SHROOM4: variants seen among roughly 807,000 people sequenced by gnomAD.
SHROOM4 encodes shroom family member 4, also known as protein Shroom4.
Under a neutral mutation model 80.3 loss-of-function variants are expected in SHROOM4, and 17 were observed. The observed-to-expected ratio is 0.21, with a 90% CI of 0.14 to 0.32. SHROOM4 has a LOEUF of 0.32. SHROOM4 is among the 10% of genes least tolerant of loss of function. The probability of loss-of-function intolerance (pLI) is 1.00; values close to 1 mark genes in which losing one functional copy is unlikely to be tolerated. For synonymous variants in SHROOM4, 400 were observed against 437.5 expected, an observed-to-expected ratio of 0.91 and a Z score of 1.07; for missense variants, 993 against 1,140.3, an observed-to-expected ratio of 0.87 and a Z score of 1.86.
At chrX:50,690,059 T>C (rs1332551882) in intron 2 of SHROOM4, among the ~76,000 whole-genome samples, 1 of 112,163 alleles carries the variant, frequency 8.9e-6, no homozygotes, top group Non-Finnish European at 1.9e-5. Flanking sequence ...TAAAAATATC[T>C]GTCCCTTAAA....
At chrX:50,723,504 C>T (rs1239746154) in intron 1 of SHROOM4, among the ~76,000 whole-genome samples, 4 of 110,020 alleles carry the variant, frequency 3.6e-5, no homozygotes, top group Non-Finnish European at 7.6e-5. Context: ...TATGAGTGTA[C>T]TGATGGCTGC....
chrX:50,786,257 G>C (rs976855617), intron 1 of SHROOM4, among the ~76,000 whole-genome samples: 5 of 111,704 alleles, frequency 4.5e-5, no homozygotes, highest in Non-Finnish European at 9.4e-5. Flanking sequence ...CTTCAGTTTT[G>C]CCTGTCTCAG....
At chrX:50,651,151 G>A (rs1932038540) in intron 2 of SHROOM4, among the ~76,000 whole-genome samples, 1 of 111,841 alleles carries the variant, frequency 8.9e-6, no homozygotes, top group African/African-American at 3.3e-5. Flanking sequence ...TTTTCCAGCT[G>A]CCTGATAGAC....
chrX:50,695,671 A>G (rs1024200788), intron 2 of SHROOM4, 115 bp downstream of exon 2: 2 of 890,631 alleles, frequency 2.2e-6, no homozygotes, highest in Non-Finnish European at 3.3e-6. Context: ...AATTCTATTC[A>G]AGTGAAACAC....
At chrX:50,598,680 T>A in intron 7 of SHROOM4, 145 bp from the exon 8 acceptor site, 1 of 699,290 alleles carries the variant, frequency 1.4e-6, no homozygotes, top group Non-Finnish European at 2.1e-6. Flanking sequence ...CTTGGGCAAG[T>A]CATGAGCAAC....
At chrX:50,755,714 C>T (rs782493647) in intron 1 of SHROOM4, among the ~76,000 whole-genome samples, 7 of 111,324 alleles carry the variant, frequency 6.3e-5, no homozygotes, top group South Asian at 7.6e-4. Context: ...TAGAGGTGAA[C>T]GCACAAGCCA....
chrX:50,778,731 A>C (rs915917165), intron 1 of SHROOM4, among the ~76,000 whole-genome samples: 1 of 112,461 alleles, frequency 8.9e-6, no homozygotes, highest in Non-Finnish European at 1.9e-5. Flanking sequence ...ATAAGTGCTC[A>C]TCAAGTAAAA....
intron 2 of SHROOM4, among the ~76,000 whole-genome samples, chrX:50,693,232 C>T (rs1425345095): frequency 1.8e-5 from 2 of 110,889 alleles, no homozygotes; most frequent in Non-Finnish European, 3.8e-5. Flanking sequence ...AAAAAATGGA[C>T]AGGGATGTAG....
chrX:50,638,961 T>C (rs960898656), intron 2 of SHROOM4, among the ~76,000 whole-genome samples: 2 of 112,595 alleles, frequency 1.8e-5, no homozygotes, highest in African/African-American at 6.4e-5. Context: ...CCTGAGTTGG[T>C]AGGCAAACTG....
At chrX:50,649,223 T>C (rs904905138) in intron 2 of SHROOM4, among the ~76,000 whole-genome samples, 1 of 111,979 alleles carries the variant, frequency 8.9e-6, no homozygotes, top group Non-Finnish European at 1.9e-5. Context: ...ATTTCAGATA[T>C]TAGTTTGTTA....
chrX:50,587,153 T>C lies in SHROOM4; in HGVS notation c.*9542A>G, dbSNP rs1284398366. Among the ~76,000 whole-genome samples, 1 of 112,080 alleles carries C rather than the reference T, an allele frequency of 8.9e-6. No homozygotes were observed. Among genetic ancestry groups the C allele is most frequent in the Non-Finnish European group, 1.9e-5 (1 of 53,225 alleles). On this transcript the variant is annotated 3_prime_UTR_variant, in exon 9 of 9. Transcript: ENST00000376020. ...TACGCAGTATTTTTCTTTCTGTGTC[T>C]GGTTTGTTTCACTTAGCATAATACC...
Position 50,592,111 on chromosome X carries a change from A to G in SHROOM4, c.*4584T>C, listed in dbSNP as rs1928912031. 2 of 329,939 alleles carry G rather than the reference A, an allele frequency of 6.1e-6. No homozygotes were observed. Among genetic ancestry groups the G allele is most frequent in the Non-Finnish European group, 1.2e-5 (2 of 170,133 alleles). 27.2% of individuals were successfully genotyped at this position (329,939 alleles called of 1,213,427 possible). ...CTTTCCTAAATTCATCCAGGCAGGT[A>G]GTTGTGAGCAACACGAGAAGAGCAA... is the stretch of plus-strand genomic sequence containing the variant. On this transcript the variant is annotated 3_prime_UTR_variant, in exon 9 of 9. Transcript: ENST00000376020.
chrX:50,725,552 G>A (rs994187821), intron 1 of SHROOM4, among the ~76,000 whole-genome samples: 26 of 112,316 alleles, frequency 2.3e-4, no homozygotes, highest in African/African-American at 7.1e-4. Context: ...GGACCATGAC[G>A]GCAGTCTCTC....
At position 50,634,670 on chromosome X, in the gene SHROOM4, T is replaced by C; in HGVS notation, c.1403A>G (p.His468Arg). 8.3e-7 allele frequency: 1 copy of C among 1,211,973 alleles called. No homozygotes were observed. Among genetic ancestry groups the C allele is most frequent in the Non-Finnish European group, 1.1e-6 (1 of 895,584 alleles). Residue 468 changes from histidine (H) to arginine (R), a missense_variant, in exon 4 of 9, where the codon CAT becomes CGT. Physicochemically the swap from His to Arg is conservative, Grantham distance 29. Coordinates refer to ENST00000376020, the MANE Select transcript of SHROOM4 (RefSeq NM_020717.5). ...KSPCPPTGGT[H>R]DQSSKERKTR... Reference sequence around the variant, plus strand: ...CTTTCTTTCTTTGCTGGACTGGTCATGGGTTCCTCCTGTAGGGGGGCATGG... The same window carrying C: ...CTTTCTTTCTTTGCTGGACTGGTCACGGGTTCCTCCTGTAGGGGGGCATGG...
chrX:50,636,298 C>G (rs1322962133), intron 3 of SHROOM4, among the ~76,000 whole-genome samples: 1 of 110,081 alleles, frequency 9.1e-6, no homozygotes, highest in Non-Finnish European at 1.9e-5. Context: ...GTAAAGCAAG[C>G]CCAGCAAAGG....
At chrX:50,656,214 T>C (rs1321395969) in intron 2 of SHROOM4, among the ~76,000 whole-genome samples, 1 of 111,943 alleles carries the variant, frequency 8.9e-6, no homozygotes, top group Non-Finnish European at 1.9e-5. Context: ...GGTTGTCTCT[T>C]TACTCTGTGG....
chrX:50,634,271 G>A lies in SHROOM4; in HGVS notation c.1802C>T (p.Ala601Val). 8.3e-7 allele frequency: 1 copy of A among 1,211,377 alleles called. No individual in the cohort carries two copies. The highest frequency in any genetic ancestry group is 1.1e-6 in the Non-Finnish European group (1 of 895,450). The change falls in exon 4 of 9, where the codon GCC (alanine) becomes GTC (valine). Residue 601 changes from alanine to valine, a missense_variant. Physicochemically the swap from Ala to Val is moderately conservative, Grantham distance 64 (BLOSUM62 0). Transcript: ENST00000376020. ...NLRNEIQRRK[A>V]QLQKSKGPLS... Reference sequence around the variant, plus strand: ...GGGACCCTTGCTTTTCTGGAGCTGGGCCTTCCTCCTCTGAATTTCATTACG... The same window carrying A: ...GGGACCCTTGCTTTTCTGGAGCTGGACCTTCCTCCTCTGAATTTCATTACG...
chrX:50,668,844 A>G (rs1232225436), intron 2 of SHROOM4, among the ~76,000 whole-genome samples: 1 of 113,020 alleles, frequency 8.8e-6, no homozygotes, highest in Non-Finnish European at 1.9e-5. Context: ...ATAAAAAAAC[A>G]AAATGAATAC....
intron 1 of SHROOM4, among the ~76,000 whole-genome samples, chrX:50,751,934 T>C (rs1435223967): frequency 2.7e-5 from 3 of 112,003 alleles, no homozygotes; most frequent in African/African-American, 9.7e-5. Context: ...GATGCTATCT[T>C]GACCTACAGG....
Sources: allele counts gnomAD v4.1 joint callset (sites outside exome capture counted in the v4.1 genomes callset), GRCh38; gene constraint gnomAD v4.1.1; transcripts MANE v1.5; gene names NCBI Gene and HGNC (gene_info 2026-07-23, HGNC 2026-07-21).